Variants in SPIDR observed in about 807,000 individuals in gnomAD.
SPIDR encodes scaffold protein involved in DNA repair, also known as DNA repair-scaffolding protein.
Under a neutral mutation model 104.6 loss-of-function variants are expected in SPIDR, and 93 were observed. The ratio of observed to expected loss-of-function variants is 0.89; its 90% CI spans 0.75 to 1.06. The LOEUF (loss-of-function observed/expected upper bound fraction) is 1.06, where lower values mean the gene tolerates loss of function less well. SPIDR is among the 50% of genes least tolerant of loss of function. The probability of loss-of-function intolerance (pLI) is 0.00; values close to 1 mark genes in which losing one functional copy is unlikely to be tolerated. For missense variants in SPIDR, 1,154 were observed against 1,111.2 expected (o/e 1.04, Z -0.55); for synonymous variants, 431 against 416.9 (o/e 1.03, Z -0.41).
In SPIDR at chr8:47,470,742, C is replaced by CT. The variant is rs200627161; in HGVS notation, c.1097+30210dup. Among the ~76,000 whole-genome samples the CT allele has an allele frequency of 8.7e-3, 1,298 of 148,984 alleles. 12 individuals carry two copies. Among genetic ancestry groups the CT allele is most frequent in the African/African-American group, 0.03 (1,205 of 40,736 alleles). ...TAAAATACATTAAAAGACTAAAACT[C>CT]TTTTTTTTTTGAGACGGAGTCTGGC... On this transcript the variant is annotated intron_variant, in intron 8 of 19. Coordinates refer to ENST00000297423, the MANE Select transcript of SPIDR (RefSeq NM_001080394.4).
intron 5 of SPIDR, among the ~76,000 whole-genome samples, chr8:47,360,619 G>A (rs2055669466): frequency 6.6e-6 from 1 of 152,204 alleles, no homozygotes; most frequent in African/African-American, 2.4e-5. Flanking sequence ...CCAGCTACGT[G>A]TGCCTTGAAA....
intron 8 of SPIDR, among the ~76,000 whole-genome samples, chr8:47,568,656 G>C (rs2058173070): frequency 6.6e-6 from 1 of 152,068 alleles, no homozygotes; most frequent in Admixed American, 6.5e-5. Context: ...CTGGAGCCAG[G>C]GTGAGCAAAG....
chr8:47,424,468 C>A (rs1240337480), intron 7 of SPIDR, among the ~76,000 whole-genome samples: 2 of 151,946 alleles, frequency 1.3e-5, no homozygotes, highest in Non-Finnish European at 2.9e-5. Context: ...CCACACCCAG[C>A]TGTTTAAAAA....
chr8:47,381,376 G>T (rs1042522697), intron 5 of SPIDR, among the ~76,000 whole-genome samples: 2 of 152,118 alleles, frequency 1.3e-5, no homozygotes, highest in Admixed American at 6.5e-5. Context: ...TATTTTACTT[G>T]CCATGGTGTA....
intron 2 of SPIDR, among the ~76,000 whole-genome samples, chr8:47,282,675 TG>T (rs1235306783): frequency 1.3e-5 from 2 of 152,232 alleles, no homozygotes; most frequent in African/African-American, 4.8e-5. Flanking sequence ...TTAGCAATAA[TG>T]CTGTCTTACT....
At chr8:47,329,288 G>T (rs1228979004) in intron 5 of SPIDR, among the ~76,000 whole-genome samples, 1 of 151,850 alleles carries the variant, frequency 6.6e-6, no homozygotes, top group African/African-American at 2.4e-5. Flanking sequence ...AGCCAGGATG[G>T]TCTCGATCTC....
At chr8:47,545,107 CTTTCTT>C in intron 8 of SPIDR, among the ~76,000 whole-genome samples, 1 of 126,722 alleles carries the variant, frequency 7.9e-6, no homozygotes, top group Non-Finnish European at 1.7e-5. Context: ...TTCTTTCTTT[CTTTCTT>C]TCTTTCTTTT....
At chr8:47,386,902 G>GATATAT (rs1554648585) in intron 5 of SPIDR, among the ~76,000 whole-genome samples, 2 of 99,336 alleles carry the variant, frequency 2.0e-5, no homozygotes, top group African/African-American at 7.9e-5. Context: ...AAGAGAGAGA[G>GATATAT]AGATATAGAT....
chr8:47,647,665 A>T (rs1388775273), intron 10 of SPIDR, among the ~76,000 whole-genome samples: 2 of 150,052 alleles, frequency 1.3e-5, no homozygotes, highest in Non-Finnish European at 3.0e-5. Context: ...GGAGAGAGAG[A>T]GAGGGAGAGA....
At chr8:47,558,146 C>A (rs922066832) in intron 8 of SPIDR, among the ~76,000 whole-genome samples, 6 of 151,940 alleles carry the variant, frequency 3.9e-5, no homozygotes, top group Non-Finnish European at 7.4e-5. Flanking sequence ...ACTGGAAACC[C>A]CAAAAGAGGG....
At chr8:47,377,632 A>G (rs1277385445) in intron 5 of SPIDR, among the ~76,000 whole-genome samples, 1 of 152,252 alleles carries the variant, frequency 6.6e-6, no homozygotes, top group East Asian at 1.9e-4. Flanking sequence ...GACCACAGCT[A>G]CTGAAACTGC....
intron 5 of SPIDR, among the ~76,000 whole-genome samples, chr8:47,343,537 T>C (rs2051198154): frequency 1.3e-5 from 2 of 152,152 alleles, no homozygotes; most frequent in Admixed American, 1.3e-4. Context: ...AGCCTGAGGA[T>C]TTCTTGTGCG....
intron 5 of SPIDR, among the ~76,000 whole-genome samples, chr8:47,360,023 A>C (rs935119750): frequency 2.6e-5 from 4 of 152,102 alleles, no homozygotes; most frequent in Non-Finnish European, 5.9e-5. Context: ...CGGGCGGATC[A>C]CAAGGTCAGG....
At chr8:47,307,301 A>T (rs1243219543) in intron 5 of SPIDR, among the ~76,000 whole-genome samples, 1 of 148,876 alleles carries the variant, frequency 6.7e-6, no homozygotes, top group Non-Finnish European at 1.5e-5. Context: ...GCTCACTGCA[A>T]CCTCTGCCTC....
chr8:47,364,297 TC>T (rs1259132992), intron 5 of SPIDR, among the ~76,000 whole-genome samples: 2 of 152,280 alleles, frequency 1.3e-5, no homozygotes, highest in Middle Eastern at 3.4e-3. Context: ...GTTCCTTTGG[TC>T]CCTTCTGTGT....
At chr8:47,697,851 C>T (rs2079573803) in intron 11 of SPIDR, 1 of 152,290 alleles carries the variant, frequency 6.6e-6, no homozygotes, top group African/African-American at 2.4e-5. Flanking sequence ...CTGACTTGAC[C>T]TCCCCCCATG....
At chr8:47,421,149 T>G (rs1218072665) in intron 7 of SPIDR, among the ~76,000 whole-genome samples, 4 of 152,168 alleles carry the variant, frequency 2.6e-5, no homozygotes, top group Non-Finnish European at 5.9e-5. Flanking sequence ...GAATCTGAAT[T>G]TTGGCCTGCC....
chr8:47,646,051 T>C (rs1053686000), intron 10 of SPIDR, among the ~76,000 whole-genome samples: 34 of 152,092 alleles, frequency 2.2e-4, no homozygotes, highest in Non-Finnish European at 5.9e-5. Flanking sequence ...GTATGATTTG[T>C]ATTACAAAGA....
intron 5 of SPIDR, chr8:47,357,848 C>G (rs1049164605): frequency 1.0e-6 from 1 of 984,692 alleles, no homozygotes; most frequent in Admixed American, 6.1e-5. Flanking sequence ...TGTTAATCGT[C>G]TAGTGTTTAA....
Sources: gnomAD v4.1 joint callset for allele counts (sites outside exome capture counted in the v4.1 genomes callset) on GRCh38, gnomAD v4.1.1 for gene constraint, MANE v1.5 for transcripts, NCBI Gene and HGNC (gene_info 2026-07-23, HGNC 2026-07-21) for gene names.